MYOF: variants seen among roughly 807,000 people sequenced by gnomAD.
The protein encoded by MYOF is fer-1-like 3, myoferlin.
Under a neutral mutation model 284.2 loss-of-function variants are expected in MYOF, and 244 were observed. The ratio of observed to expected loss-of-function variants is 0.86; its 90% confidence interval spans 0.77 to 0.95. The LOEUF (loss-of-function observed/expected upper bound fraction) is 0.95. MYOF is among the 40% of genes least tolerant of loss of function. The pLI, the probability that MYOF is intolerant of heterozygous loss-of-function variation, is 0.00. For synonymous variants in MYOF, 904 were observed against 919.7 expected, an observed-to-expected ratio of 0.98 and a Z score of 0.31; for missense variants, 2,496 against 2,560.6, an observed-to-expected ratio of 0.97 and a Z score of 0.54.
intron 1 of MYOF, among the ~76,000 whole-genome samples, chr10:93,466,988 GCAAA>G (rs1402939782): frequency 6.7e-6 from 1 of 148,698 alleles, no homozygotes; most frequent in Non-Finnish European, 1.5e-5. Context: ...AAACAAACAA[GCAAA>G]CAAACAAACA....
intron 21 of MYOF, among the ~76,000 whole-genome samples, chr10:93,378,296 A>G (rs1845934329): frequency 6.6e-6 from 1 of 152,160 alleles, no homozygotes; most frequent in South Asian, 2.1e-4. Context: ...GAGAGCTGAT[A>G]AGAAGAACCA....
intron 48 of MYOF, among the ~76,000 whole-genome samples, chr10:93,322,776 A>C (rs1185597351): frequency 1.3e-5 from 2 of 152,226 alleles, no homozygotes; most frequent in African/African-American, 2.4e-5. Context: ...CATGGCTAAA[A>C]CGTCCCAGAA....
At chr10:93,365,785 GTC>G (rs1267399396) in intron 26 of MYOF, among the ~76,000 whole-genome samples, 3 of 152,160 alleles carry the variant, frequency 2.0e-5, no homozygotes, top group Non-Finnish European at 4.4e-5. Context: ...CACTAAGATA[GTC>G]TCTCTCTGCA....
Position 93,343,870 on chromosome 10 carries a change from A to G in MYOF, c.4312T>C (p.Leu1438=). 6.2e-7 allele frequency: 1 copy of G among 1,614,202 alleles called. No homozygotes were observed. Among genetic ancestry groups the G allele is most frequent in the Non-Finnish European group, 8.5e-7 (1 of 1,180,010 alleles). Residue 1438 remains leucine (L), a synonymous_variant, in exon 38 of 54, where the codon TTA becomes CTA. Transcript: ENST00000359263. ...IVIEMEDTKP[L]LASKLTEKEE... Reference sequence around the variant, plus strand: ...CTGAAGCCTACCTTAGAAGCCAGTAATGGTTTGGTGTCTTCCATTTCGATA... The same window carrying G: ...CTGAAGCCTACCTTAGAAGCCAGTAGTGGTTTGGTGTCTTCCATTTCGATA...
At chr10:93,356,217 T>C (rs1350344989) in intron 30 of MYOF, among the ~76,000 whole-genome samples, 10 of 152,198 alleles carry the variant, frequency 6.6e-5, no homozygotes, top group Admixed American at 6.5e-4. Flanking sequence ...TCCCCCGACT[T>C]CTTTACTGTG....
chr10:93,326,286 T>C (rs1843044915), intron 45 of MYOF, among the ~76,000 whole-genome samples: 1 of 152,178 alleles, frequency 6.6e-6, no homozygotes, highest in Non-Finnish European at 1.5e-5. Context: ...CCCTTGCAGT[T>C]AGAGGAGGCC....
At chr10:93,388,399 G>A (rs1846504914) in intron 18 of MYOF, among the ~76,000 whole-genome samples, 1 of 152,214 alleles carries the variant, frequency 6.6e-6, no homozygotes, top group Non-Finnish European at 1.5e-5. Flanking sequence ...GGAAGATGTA[G>A]GAGGAAGAAG....
chr10:93,393,411 G>C (rs1165524804), intron 16 of MYOF, among the ~76,000 whole-genome samples: 1 of 152,168 alleles, frequency 6.6e-6, no homozygotes, highest in African/African-American at 2.4e-5. Flanking sequence ...TCTTTGTCGG[G>C]GGGAGGGCGA....
chr10:93,315,940 G>A (rs1167492518), intron 50 of MYOF, among the ~76,000 whole-genome samples: 1 of 150,680 alleles, frequency 6.6e-6, no homozygotes, highest in African/African-American at 2.4e-5. Flanking sequence ...GGGCAACATA[G>A]TGAGACCTCG....
At chr10:93,430,708 T>C (rs996913105) in intron 4 of MYOF, among the ~76,000 whole-genome samples, 3 of 152,060 alleles carry the variant, frequency 2.0e-5, no homozygotes, top group Non-Finnish European at 4.4e-5. Flanking sequence ...ACCACACAAA[T>C]GTTAACACCC....
intron 24 of MYOF, among the ~76,000 whole-genome samples, chr10:93,372,062 T>G (rs1421591461): frequency 3.3e-5 from 5 of 152,196 alleles, no homozygotes; most frequent in Non-Finnish European, 7.3e-5. Context: ...ATTTACACCC[T>G]CCTGATTAAA....
intron 17 of MYOF, among the ~76,000 whole-genome samples, chr10:93,390,904 G>A (rs989013036): frequency 1.3e-5 from 2 of 152,212 alleles, no homozygotes; most frequent in Non-Finnish European, 2.9e-5. Context: ...TCACATTATG[G>A]ATGGGCAAGC....
At chr10:93,424,825 G>T (rs182130314) in intron 5 of MYOF, among the ~76,000 whole-genome samples, 1 of 152,080 alleles carries the variant, frequency 6.6e-6, no homozygotes, top group East Asian at 1.9e-4. Flanking sequence ...ACCCTCGGGC[G>T]GCCGGAGAGC....
chr10:93,364,143 C>A, intron 26 of MYOF, 68 bp from the exon 27 acceptor site: 1 of 1,350,998 alleles, frequency 7.4e-7, no homozygotes, highest in Non-Finnish European at 1.1e-6. Flanking sequence ...CGATTGCCAA[C>A]ACTCAGGAAG....
At chr10:93,401,749 A>T (rs1488277950) in intron 11 of MYOF, among the ~76,000 whole-genome samples, 1 of 151,868 alleles carries the variant, frequency 6.6e-6, no homozygotes, top group Non-Finnish European at 1.5e-5. Context: ...ATGTTTTTGT[A>T]TCATTCTGTC....
intron 1 of MYOF, among the ~76,000 whole-genome samples, chr10:93,479,948 T>C (rs1322837017): frequency 6.6e-6 from 1 of 152,212 alleles, no homozygotes; most frequent in African/African-American, 2.4e-5. Flanking sequence ...TTTTTCATCA[T>C]TTAAAATGTT....
chr10:93,447,652 C>T (rs1284467204), intron 3 of MYOF, among the ~76,000 whole-genome samples: 1 of 152,178 alleles, frequency 6.6e-6, no homozygotes, highest in Non-Finnish European at 1.5e-5. Flanking sequence ...CGCTAGCTGT[C>T]TCTCGTTCGC....
chr10:93,355,440 G>A (rs1455075830), intron 31 of MYOF, among the ~76,000 whole-genome samples, 188 bp downstream of exon 31: 1 of 152,100 alleles, frequency 6.6e-6, no homozygotes, highest in Non-Finnish European at 1.5e-5. Flanking sequence ...CAAAAAATTA[G>A]CCAGGCATGG....
rs1221668093 is a variant in MYOF at position 93,361,490 on chromosome 10, G to GCAT, written c.2933_2935dup (p.Asp978dup). On this transcript the variant is annotated inframe_insertion, in exon 28 of 54. Transcript: ENST00000359263. ...CGCTCGATTTATGTCATAAGACCAT[G>GCAT]CATCATCTTCCCATTCCCAACCTGG... 1 of 1,614,204 alleles carries GCAT rather than the reference G, an allele frequency of 6.2e-7. No individual in the cohort carries two copies. The highest frequency in any genetic ancestry group is 1.1e-5 in the South Asian group (1 of 91,082).
Sources: gnomAD v4.1 joint callset for allele counts (sites outside exome capture counted in the v4.1 genomes callset) on GRCh38, gnomAD v4.1.1 for gene constraint, MANE v1.5 for transcripts, NCBI Gene and HGNC (gene_info 2026-07-23, HGNC 2026-07-21) for gene names.